Variants in HEXB observed in about 807,000 individuals in gnomAD.
HEXB encodes beta-hexosaminidase subunit beta.
A neutral mutation model predicts 71.2 loss-of-function variants in HEXB; 51 were observed. The ratio of observed to expected loss-of-function variants is 0.72; its 90% CI spans 0.57 to 0.90. The LOEUF is 0.90. HEXB is among the 40% of genes least tolerant of loss of function. HEXB has a pLI of 0.00. For synonymous variants in HEXB, 266 were observed against 249.3 expected (o/e 1.07, Z -0.63); for missense variants, 617 against 677.0 (o/e 0.91, Z 0.98).
chr5:74,685,416 G>T lies in HEXB; in HGVS notation c.156G>T (p.Pro52=). The T allele has an allele frequency of 6.2e-7, 1 of 1,600,248 alleles. No individual in the cohort carries two copies. Among genetic ancestry groups the T allele is most frequent in the East Asian group, 2.3e-5 (1 of 43,554 alleles). The change falls in exon 1 of 14, where the codon CCG becomes CCT. Residue 52 remains proline (P), a synonymous_variant. Transcript: ENST00000261416. ...GGGCCCCGAGCGTCTCGGCCAAGCC[G>T]GGGCCGGCGCTGTGGCCCCTGCCGC... ...AARAPSVSAK[P]GPALWPLPLL... is the part of the protein sequence containing the mutation.
At chr5:74,661,071 A>G (rs1428114288) in intron 1 of HEXB, among the ~76,000 whole-genome samples, 2 of 152,170 alleles carry the variant, frequency 1.3e-5, no homozygotes, top group Non-Finnish European at 2.9e-5. Flanking sequence ...TTCATTCCAG[A>G]CAGCACCAGC....
chr5:74,717,965 A>G (rs1749717330), intron 9 of HEXB, among the ~76,000 whole-genome samples: 2 of 152,148 alleles, frequency 1.3e-5, no homozygotes, highest in Non-Finnish European at 2.9e-5. Flanking sequence ...CAGCCATAAA[A>G]TTGTAAGAGA....
rs761117459 is a variant in HEXB at position 74,689,361 on chromosome 5, G to C, written c.333G>C (p.Trp111Cys). 3 of 1,613,032 alleles carry C rather than the reference G, an allele frequency of 1.9e-6. No homozygotes were observed. In the Admixed American group the frequency reaches 5.0e-5, roughly 27 times the overall value. Reference protein sequence around the residue: ...YHGYIFGFYKWHHEPAEFQAK... With the variant: ...YHGYIFGFYKCHHEPAEFQAK... Reference sequence around the variant, plus strand: ...GCTATATTTTTGGTTTCTACAAGTGGCATCATGAACCTGCTGAATTCCAGG... The same window carrying C: ...GCTATATTTTTGGTTTCTACAAGTGCCATCATGAACCTGCTGAATTCCAGG... Residue 111 changes from tryptophan to cysteine, a missense_variant, in exon 2 of 14, where the codon TGG (tryptophan) becomes TGC (cysteine). Coordinates refer to ENST00000261416, the MANE Select transcript of HEXB (RefSeq NM_000521.4).
chr5:74,718,933 G>A lies in HEXB; in HGVS notation c.1379G>A (p.Trp460Ter). Residue 460 changes from tryptophan (W) to a stop codon, truncating the protein, a stop_gained, in exon 11 of 14, where the codon TGG becomes TAG. Transcript: ENST00000261416. LOFTEE classifies it high-confidence loss of function. ...YLDLISYGQD[W>*]RKYYKVEPLD... is the part of the protein sequence containing the mutation. ...GATTTGATTAGCTATGGACAAGATT[G>A]GAGGAAATACTATAAAGTGGAACCT... is the stretch of plus-strand genomic sequence containing the variant. 6.2e-7 allele frequency: 1 copy of A among 1,614,094 alleles called. No individual in the cohort carries two copies. Among genetic ancestry groups the A allele is most frequent in the Non-Finnish European group, 8.5e-7 (1 of 1,180,012 alleles).
intron 1 of HEXB, among the ~76,000 whole-genome samples, chr5:74,668,256 G>A (rs1002373537): frequency 6.8e-6 from 1 of 146,626 alleles, no homozygotes; most frequent in African/African-American, 2.5e-5. Context: ...GTGTGTGTGT[G>A]TGTTTCTCAG....
At chr5:74,710,852 A>T (rs1749523372) in intron 6 of HEXB, among the ~76,000 whole-genome samples, 1 of 152,188 alleles carries the variant, frequency 6.6e-6, no homozygotes, top group African/African-American at 2.4e-5. Context: ...GAAAATGGCC[A>T]TACTGCCCAA....
chr5:74,696,552 A>G (rs1019910536), intron 3 of HEXB, 141 bp from the exon 4 acceptor site: 1 of 578,644 alleles, frequency 1.7e-6, no homozygotes, highest in Non-Finnish European at 3.1e-6. Context: ...AGGTATAACA[A>G]TATATTTTAG....
chr5:74,708,405 ACAT>A (rs1205160435), intron 6 of HEXB, among the ~76,000 whole-genome samples: 2 of 149,114 alleles, frequency 1.3e-5, no homozygotes, highest in African/African-American at 4.9e-5. Context: ...TAACCAGCTA[ACAT>A]CATAATGACA....
chr5:74,649,835 G>A lies in HEXB; in HGVS notation c.-377+9277G>A, dbSNP rs115152481. The stretch of plus-strand genomic sequence containing the variant: ...AAGAGATTGTTACATCAGTTCACAA[G>A]CAAAGGAATGTCCTAATCAAATTGC... On this transcript the variant is annotated intron_variant, in intron 1 of 13. Coordinates refer to the HEXB transcript ENST00000511181. 2.7e-3 allele frequency among the ~76,000 whole-genome samples: 412 copies of A among 152,312 alleles called. 3 individuals carry two copies. Among genetic ancestry groups the A allele is most frequent in the African/African-American group, 9.6e-3 (401 of 41,560 alleles).
chr5:74,720,504 C>A lies in HEXB; in HGVS notation c.1494C>A (p.Leu498=), dbSNP rs149960235. The change falls in exon 12 of 14, where the codon CTC becomes CTA. Residue 498 remains leucine (L), a synonymous_variant. Coordinates refer to ENST00000261416, the MANE Select transcript of HEXB (RefSeq NM_000521.4). ...LWGEYVDATN[L]TPRLWPRASA... ...GAGAATATGTGGATGCAACTAACCT[C>A]ACTCCAAGATTATGGTATGGGATTT... is the stretch of plus-strand genomic sequence containing the variant. 1 of 1,612,230 alleles carries A rather than the reference C, an allele frequency of 6.2e-7. No homozygotes were observed. The highest frequency in any genetic ancestry group is 8.5e-7 in the Non-Finnish European group (1 of 1,178,264).
At chr5:74,677,154 G>C (rs1748646159) in intron 1 of HEXB, among the ~76,000 whole-genome samples, 2 of 152,012 alleles carry the variant, frequency 1.3e-5, no homozygotes, top group Non-Finnish European at 2.9e-5. Context: ...CAAAGTGCTG[G>C]GATTACATGA....
At chr5:74,720,874 G>C in intron 13 of HEXB, 127 bp downstream of exon 13, 1 of 860,998 alleles carries the variant, frequency 1.2e-6, no homozygotes. Context: ...TTATTTTTTT[G>C]TAAGTAATAA....
intron 9 of HEXB, among the ~76,000 whole-genome samples, chr5:74,717,242 T>G (rs1749692798): frequency 6.6e-6 from 1 of 152,136 alleles, no homozygotes; most frequent in Admixed American, 6.6e-5. Context: ...GGCTACCCTG[T>G]GAAGTCTTCA....
At chr5:74,716,047 T>C (rs369228606) in intron 8 of HEXB, among the ~76,000 whole-genome samples, 3 of 115,992 alleles carry the variant, frequency 2.6e-5, no homozygotes, top group Non-Finnish European at 5.6e-5. Context: ...AAAAATGGAA[T>C]AAAAAACCTG....
At chr5:74,681,048 C>T (rs1480016047), upstream of HEXB, among the ~76,000 whole-genome samples, 2 of 152,152 alleles carry the variant, frequency 1.3e-5, no homozygotes, top group Admixed American at 1.3e-4. Flanking sequence ...GCTGTGGTAT[C>T]GTGAGCAAAC....
chr5:74,693,193 C>T (rs781276558), intron 2 of HEXB, among the ~76,000 whole-genome samples: 4 of 152,152 alleles, frequency 2.6e-5, no homozygotes, highest in Non-Finnish European at 2.9e-5. Context: ...ACACCTAGGG[C>T]GTTACCAAGG....
intron 1 of HEXB, among the ~76,000 whole-genome samples, chr5:74,644,875 A>C (rs1164229528): frequency 7.2e-6 from 1 of 139,856 alleles, no homozygotes; most frequent in East Asian, 2.3e-4. Context: ...AGATTCAAGC[A>C]ATTCTCCTGC....
chr5:74,650,975 T>C (rs1250242170), intron 1 of HEXB, among the ~76,000 whole-genome samples: 1 of 150,314 alleles, frequency 6.7e-6, no homozygotes, highest in East Asian at 1.9e-4. Context: ...TGTTTTTTAA[T>C]ACAATAGTTA....
chr5:74,675,464 C>T (rs1048926127), intron 1 of HEXB, among the ~76,000 whole-genome samples: 1 of 152,146 alleles, frequency 6.6e-6, no homozygotes, highest in Admixed American at 6.5e-5. Flanking sequence ...AAGTGCTCAG[C>T]AAAGAGCAAC....
Sources: gnomAD v4.1 joint callset for allele counts (sites outside exome capture counted in the v4.1 genomes callset) on GRCh38, gnomAD v4.1.1 for gene constraint, MANE v1.5 for transcripts, NCBI Gene and HGNC (gene_info 2026-07-23, HGNC 2026-07-21) for gene names.